BICD1: variants seen among roughly 807,000 people sequenced by gnomAD.
BICD1 encodes BICD cargo adaptor 1.
Under a neutral mutation model 92.5 loss-of-function variants are expected in BICD1, and 35 were observed. The observed-to-expected ratio is 0.38, with a 90% confidence interval of 0.29 to 0.50. The LOEUF is 0.50. BICD1 is among the 20% of genes least tolerant of loss of function. BICD1 has a pLI of 0.93. For missense variants in BICD1, 950 were observed against 1,189.8 expected, an observed-to-expected ratio of 0.80 and a Z score of 2.97; for synonymous variants, 429 against 465.1, an observed-to-expected ratio of 0.92 and a Z score of 1.00.
chr12:32,237,768 C>A lies in BICD1; in HGVS notation c.426+21309C>A, dbSNP rs181851741. ...ACCACTCAGAAAAAAAGGTTCCTTTCAAAATATTACTGCTCATTGACAGTG... is the reference window on the plus strand; with the variant it reads ...ACCACTCAGAAAAAAAGGTTCCTTTAAAAATATTACTGCTCATTGACAGTG... On this transcript the variant is annotated intron_variant, in intron 2 of 9. Transcript: ENST00000652176. Among the ~76,000 whole-genome samples the A allele has an allele frequency of 3.6e-3, 542 of 152,262 alleles. 3 individuals carry two copies. Among genetic ancestry groups the A allele is most frequent in the Middle Eastern group, 0.014 (4 of 294 alleles).
chr12:32,112,236 C>A (rs1195519822), intron 1 of BICD1, among the ~76,000 whole-genome samples: 1 of 152,144 alleles, frequency 6.6e-6, no homozygotes, highest in East Asian at 1.9e-4. Flanking sequence ...GAACTCCCGA[C>A]CTCAGGTGAT....
intron 1 of BICD1, among the ~76,000 whole-genome samples, chr12:32,205,022 A>T (rs1280018315): frequency 6.6e-6 from 1 of 152,240 alleles, no homozygotes; most frequent in Non-Finnish European, 1.5e-5. Context: ...TCCAAAGTTT[A>T]AGAAGTTGTA....
chr12:32,246,990 G>C (rs1172630699), intron 2 of BICD1, among the ~76,000 whole-genome samples: 1 of 152,108 alleles, frequency 6.6e-6, no homozygotes, highest in South Asian at 2.1e-4. Context: ...AGGCACCGTG[G>C]CTCACACCTG....
chr12:32,301,032 C>A (rs9988933), intron 3 of BICD1, among the ~76,000 whole-genome samples: 25,426 of 152,058 alleles, frequency 0.17, 2,728 homozygotes, highest in African/African-American at 0.3. Flanking sequence ...TTCCAAGTTG[C>A]CTTTCTTATA....
At chr12:32,250,296 A>G (rs1946492998) in intron 2 of BICD1, among the ~76,000 whole-genome samples, 2 of 152,204 alleles carry the variant, frequency 1.3e-5, no homozygotes, top group African/African-American at 4.8e-5. Context: ...CCTCAAAGAA[A>G]TGGAGATGAC....
intron 4 of BICD1, among the ~76,000 whole-genome samples, chr12:32,316,869 C>T (rs1348724054): frequency 6.6e-6 from 1 of 152,116 alleles, no homozygotes; most frequent in Non-Finnish European, 1.5e-5. Context: ...CCCCACCCCA[C>T]AACAGTCCCC....
At chr12:32,320,339 C>G (rs1948617246) in intron 4 of BICD1, among the ~76,000 whole-genome samples, 1 of 151,882 alleles carries the variant, frequency 6.6e-6, no homozygotes. Flanking sequence ...GACCCCATCT[C>G]TATTTATAAA....
chr12:32,121,636 T>C (rs1325577920), intron 1 of BICD1, among the ~76,000 whole-genome samples: 1 of 149,374 alleles, frequency 6.7e-6, no homozygotes, highest in African/African-American at 2.5e-5. Context: ...ATAAAAGCGC[T>C]GAGGTGGAAG....
chr12:32,253,780 A>AC (rs1190109417), intron 2 of BICD1, among the ~76,000 whole-genome samples: 1 of 151,954 alleles, frequency 6.6e-6, no homozygotes, highest in Non-Finnish European at 1.5e-5. Flanking sequence ...GCTGTATCTC[A>AC]CCTGTCATAT....
At chr12:32,248,096 C>A (rs11834731) in intron 2 of BICD1, among the ~76,000 whole-genome samples, 26,746 of 151,124 alleles carry the variant, frequency 0.18, 3,664 homozygotes, top group African/African-American at 0.38. Flanking sequence ...AACAAACAAA[C>A]AAAAAAAACA....
intron 1 of BICD1, among the ~76,000 whole-genome samples, chr12:32,115,386 GGTT>G (rs1941853693): frequency 1.0e-5 from 1 of 97,746 alleles, no homozygotes; most frequent in African/African-American, 4.0e-5. Flanking sequence ...TGGTGTTTTT[GGTT>G]TTTTTTTTTT....
chr12:32,238,601 C>G (rs1946141147), intron 2 of BICD1, among the ~76,000 whole-genome samples: 1 of 152,180 alleles, frequency 6.6e-6, no homozygotes, highest in Non-Finnish European at 1.5e-5. Flanking sequence ...TCAGAGAAAT[C>G]TTTCTTCACA....
At chr12:32,180,728 T>C (rs1944247099) in intron 1 of BICD1, among the ~76,000 whole-genome samples, 1 of 152,028 alleles carries the variant, frequency 6.6e-6, no homozygotes, top group African/African-American at 2.4e-5. Context: ...CATCACACTT[T>C]GTAAACATTT....
At chr12:32,346,651 T>C (rs1324306889) in intron 8 of BICD1, among the ~76,000 whole-genome samples, 3 of 23,612 alleles carry the variant, frequency 1.3e-4, no homozygotes, top group African/African-American at 5.0e-4. Context: ...TATATATATA[T>C]ATATATACAC....
chr12:32,118,155 C>G (rs959095323), intron 1 of BICD1, among the ~76,000 whole-genome samples: 1 of 151,432 alleles, frequency 6.6e-6, no homozygotes, highest in Non-Finnish European at 1.5e-5. Flanking sequence ...GAACTCGGCT[C>G]ACTGCAAGCT....
intron 8 of BICD1, among the ~76,000 whole-genome samples, chr12:32,359,417 A>T (rs1481918787): frequency 6.6e-6 from 1 of 152,190 alleles, no homozygotes; most frequent in Non-Finnish European, 1.5e-5. Context: ...CAGAGTCCCA[A>T]AGTGGTGCAG....
At chr12:32,186,723 T>C (rs1944431270) in intron 1 of BICD1, among the ~76,000 whole-genome samples, 1 of 152,228 alleles carries the variant, frequency 6.6e-6, no homozygotes, top group South Asian at 2.1e-4. Context: ...AAATACCATA[T>C]TCATTTCTGA....
intron 2 of BICD1, among the ~76,000 whole-genome samples, chr12:32,253,291 T>C (rs1946616105): frequency 1.3e-5 from 2 of 152,196 alleles, no homozygotes; most frequent in South Asian, 2.1e-4. Context: ...CCAGGAATTA[T>C]GCTAGTTGCT....
intron 2 of BICD1, among the ~76,000 whole-genome samples, chr12:32,249,063 G>C (rs1946462918): frequency 6.6e-6 from 1 of 152,212 alleles, no homozygotes; most frequent in African/African-American, 2.4e-5. Flanking sequence ...TTGTGGGGCG[G>C]GTTGGAGGTT....
Sources: allele counts gnomAD v4.1 joint callset (sites outside exome capture counted in the v4.1 genomes callset), GRCh38; gene constraint gnomAD v4.1.1; transcripts MANE v1.5; gene names NCBI Gene and HGNC (gene_info 2026-07-23, HGNC 2026-07-21).